Variants in KLHL8 observed in about 807,000 individuals in gnomAD.
KLHL8 encodes the protein kelch like family member 8.
In KLHL8, 38 loss-of-function variants were observed where a neutral mutation model predicts 63.5. That is an observed-to-expected ratio of 0.60 (90% CI 0.46 to 0.78). The LOEUF is 0.78. Ranked by LOEUF, KLHL8 falls within the 30% of genes least tolerant of loss-of-function variation. The pLI, the probability that KLHL8 is intolerant of heterozygous loss-of-function variation, is 0.00. For missense variants in KLHL8, 566 were observed against 752.4 expected (o/e 0.75, Z 2.90); for synonymous variants, 224 against 254.3 (o/e 0.88, Z 1.13).
chr4:87,229,734 C>CTT (rs553249061), intron 1 of KLHL8, among the ~76,000 whole-genome samples: 1 of 142,236 alleles, frequency 7.0e-6, no homozygotes, highest in African/African-American at 2.6e-5. Flanking sequence ...ACCTGGCCTA[C>CTT]TTTTTTTTTT....
chr4:87,169,614 C>T (rs1730557749), intron 8 of KLHL8, among the ~76,000 whole-genome samples: 1 of 152,194 alleles, frequency 6.6e-6, no homozygotes, highest in Non-Finnish European at 1.5e-5. Context: ...GTAATCCCAG[C>T]ACTCTGGGAG....
rs549869963 is a variant in KLHL8, at chr4:87,188,921, G to A, written c.217-3122C>T. On this transcript the variant is annotated intron_variant, in intron 2 of 9. Coordinates refer to ENST00000273963, the MANE Select transcript of KLHL8 (RefSeq NM_020803.5). ...TCTAATTTACATTCTTTCTTTGTTA[G>A]ATCAGTGAACGTGTGACTAATTCAA... Among the ~76,000 whole-genome samples the A allele has an allele frequency of 2.6e-5, 4 of 152,278 alleles. No individual in the cohort carries two copies. In the South Asian group the frequency reaches 6.2e-4, roughly 24 times the overall value.
intron 1 of KLHL8, among the ~76,000 whole-genome samples, chr4:87,228,111 T>A (rs771450395): frequency 2.0e-4 from 30 of 152,312 alleles, no homozygotes; most frequent in Non-Finnish European, 3.8e-4. Context: ...CAACACCTCC[T>A]GACTCTATGA....
At chr4:87,182,823 A>G (rs997301267) in intron 4 of KLHL8, among the ~76,000 whole-genome samples, 3 of 152,198 alleles carry the variant, frequency 2.0e-5, no homozygotes, top group Admixed American at 6.5e-5. Flanking sequence ...AATATATTTC[A>G]AGTTCCATGC....
intron 1 of KLHL8, among the ~76,000 whole-genome samples, chr4:87,199,415 C>T (rs1014158691): frequency 4.6e-5 from 7 of 151,922 alleles, no homozygotes; most frequent in Non-Finnish European, 7.4e-5. Context: ...GAGGAAAACA[C>T]GTGGGGAAAA....
intron 2 of KLHL8, among the ~76,000 whole-genome samples, chr4:87,193,699 T>C (rs1731582678): frequency 6.6e-6 from 1 of 152,114 alleles, no homozygotes; most frequent in Non-Finnish European, 1.5e-5. Context: ...GGCAATGAGG[T>C]AAGTTTGTTT....
intron 1 of KLHL8, among the ~76,000 whole-genome samples, chr4:87,210,354 G>T (rs915513336): frequency 6.6e-6 from 1 of 152,108 alleles, no homozygotes; most frequent in Non-Finnish European, 1.5e-5. Context: ...GGTGGCGGGC[G>T]CCTGTAGTCC....
At chr4:87,239,510 G>A (rs899719606) in intron 1 of KLHL8, among the ~76,000 whole-genome samples, 1 of 152,184 alleles carries the variant, frequency 6.6e-6, no homozygotes, top group African/African-American at 2.4e-5. Flanking sequence ...CTTCTAATAA[G>A]TGAAAAGTTC....
intron 4 of KLHL8, among the ~76,000 whole-genome samples, chr4:87,181,221 G>T (rs1731039564): frequency 6.6e-6 from 1 of 151,256 alleles, no homozygotes; most frequent in Non-Finnish European, 1.5e-5. Context: ...GAGGTCAGGA[G>T]TTCGAGACCA....
At chr4:87,207,344 G>A (rs567813194) in intron 1 of KLHL8, 39 of 632,180 alleles carry the variant, frequency 6.2e-5, no homozygotes, top group African/African-American at 1.1e-4. Context: ...AAAATCAAAT[G>A]GGGCAATGCT....
rs548729693 is a variant in KLHL8 at position 87,213,824 on chromosome 4, T to C, written c.-152+6594A>G. On this transcript the variant is annotated intron_variant, in intron 1 of 9. Coordinates refer to ENST00000273963, the MANE Select transcript of KLHL8 (RefSeq NM_020803.5). ...GCTGTTGCCTTGCTTTTGAGAGATA[T>C]CTGTCAGCCATACGCGACACAAGGC... is the stretch of plus-strand genomic sequence containing the variant. Among the ~76,000 whole-genome samples the C allele has an allele frequency of 2.2e-4, 33 of 152,304 alleles. No individual in the cohort carries two copies. In the South Asian group the frequency reaches 6.6e-3, roughly 31 times the overall value.
intron 1 of KLHL8, among the ~76,000 whole-genome samples, chr4:87,237,102 C>T (rs1733244836): frequency 1.3e-5 from 2 of 152,166 alleles, no homozygotes; most frequent in African/African-American, 4.8e-5. Context: ...TGGCCAGCAG[C>T]CATGTTCCCA....
At chr4:87,228,669 A>C (rs1733075541) in intron 1 of KLHL8, among the ~76,000 whole-genome samples, 1 of 152,394 alleles carries the variant, frequency 6.6e-6, no homozygotes, top group East Asian at 1.9e-4. Flanking sequence ...TGGAGAAAGA[A>C]GGTACAAAAG....
chr4:87,176,936 A>G, intron 5 of KLHL8, 68 bp from the exon 6 acceptor site: 1 of 729,094 alleles, frequency 1.4e-6, no homozygotes, highest in East Asian at 2.8e-5. Context: ...TGTTACATAT[A>G]TAAACATTAT....
chr4:87,237,822 G>A (rs544492454), intron 1 of KLHL8, among the ~76,000 whole-genome samples: 1 of 152,018 alleles, frequency 6.6e-6, no homozygotes, highest in East Asian at 1.9e-4. Context: ...GTGAGACCCT[G>A]TCCCTAATAA....
chr4:87,207,793 A>G (rs1560712963), intron 1 of KLHL8: 15 of 927,592 alleles, frequency 1.6e-5, no homozygotes, highest in Non-Finnish European at 1.8e-5. Context: ...CTGTGTCACC[A>G]CTGCCAAGGT....
chr4:87,208,870 G>T (rs1354929702), intron 1 of KLHL8, among the ~76,000 whole-genome samples: 2 of 151,966 alleles, frequency 1.3e-5, no homozygotes, highest in Non-Finnish European at 2.9e-5. Flanking sequence ...CTATGAAAAG[G>T]GCTTTAATAA....
At chr4:87,197,491 T>C (rs1385124821) in intron 1 of KLHL8, among the ~76,000 whole-genome samples, 2 of 152,218 alleles carry the variant, frequency 1.3e-5, no homozygotes, top group Non-Finnish European at 1.5e-5. Context: ...TTCTTCATAA[T>C]TGAGCCTCTA....
intron 1 of KLHL8, among the ~76,000 whole-genome samples, chr4:87,219,017 G>C (rs1321600439): frequency 6.6e-6 from 1 of 152,176 alleles, no homozygotes; most frequent in African/African-American, 2.4e-5. Flanking sequence ...GATTACAGGC[G>C]TGAGCCACTG....
Sources: allele counts gnomAD v4.1 joint callset (sites outside exome capture counted in the v4.1 genomes callset), GRCh38; gene constraint gnomAD v4.1.1; transcripts MANE v1.5; gene names NCBI Gene and HGNC (gene_info 2026-07-23, HGNC 2026-07-21).